Variants in RANBP17 observed in about 807,000 individuals in gnomAD.
The protein encoded by RANBP17 is RAN binding protein 17.
In RANBP17, 158 loss-of-function variants were observed where a neutral mutation model predicts 141.2. The ratio of observed to expected loss-of-function variants is 1.12; its 90% CI spans 0.98 to 1.28. The LOEUF is 1.28. Among genes scored for constraint, RANBP17 ranks in the 50% most tolerant of loss-of-function variants. RANBP17 has a pLI of 0.00. For synonymous variants in RANBP17, 430 were observed against 450.0 expected, an observed-to-expected ratio of 0.96 and a Z score of 0.56; for missense variants, 1,438 against 1,290.7, an observed-to-expected ratio of 1.11 and a Z score of -1.75.
intron 25 of RANBP17, among the ~76,000 whole-genome samples, chr5:171,293,311 A>G (rs1036890684): frequency 6.6e-6 from 1 of 152,232 alleles, no homozygotes; most frequent in African/African-American, 2.4e-5. Context: ...TGAATTTAAG[A>G]GAACGGATGA....
At chr5:171,195,063 A>C (rs1561752192) in intron 18 of RANBP17, among the ~76,000 whole-genome samples, 1 of 152,192 alleles carries the variant, frequency 6.6e-6, no homozygotes, top group Non-Finnish European at 1.5e-5. Context: ...AGGAATTTAT[A>C]ATTTTTATCT....
chr5:171,150,533 A>G (rs1210354155), intron 14 of RANBP17, among the ~76,000 whole-genome samples: 2 of 152,080 alleles, frequency 1.3e-5, no homozygotes, highest in East Asian at 1.9e-4. Context: ...AAAAATATAT[A>G]GTATTTATAA....
At chr5:171,070,599 T>G (rs1342078511) in intron 14 of RANBP17, among the ~76,000 whole-genome samples, 1 of 152,118 alleles carries the variant, frequency 6.6e-6, no homozygotes, top group African/African-American at 2.4e-5. Flanking sequence ...AGATGGTAAT[T>G]GTTTGAAGAT....
At chr5:171,232,014 A>G (rs180730486) in intron 22 of RANBP17, among the ~76,000 whole-genome samples, 1 of 152,340 alleles carries the variant, frequency 6.6e-6, no homozygotes, top group South Asian at 2.1e-4. Context: ...ATCTTTTAAG[A>G]TTACCTAGCT....
chr5:171,054,277 C>T (rs181230484), intron 14 of RANBP17, among the ~76,000 whole-genome samples: 94 of 152,110 alleles, frequency 6.2e-4, no homozygotes, highest in African/African-American at 2.2e-3. Flanking sequence ...AGAATGACTA[C>T]TCCATTGGCA....
At chr5:171,183,058 TA>T in intron 16 of RANBP17, 108 bp from the exon 17 acceptor site, 2 of 620,992 alleles carry the variant, frequency 3.2e-6, no homozygotes, top group Admixed American at 3.1e-5. Flanking sequence ...TTAGAAATTA[TA>T]TTTTTTTATA....
chr5:171,291,077 G>A lies in RANBP17; in HGVS notation c.2944-2806G>A, dbSNP rs1768466107. Among the ~76,000 whole-genome samples, 10 of 152,290 alleles carry A rather than the reference G, an allele frequency of 6.6e-5. 1 individual carries two copies. The South Asian group carries it at 2.1e-3, about 32-fold the overall frequency. ...CCATTCTGATTGGCTCCAAAGCCTG[G>A]CTTTACCATACCACGTTGGTTTCTC... On this transcript the variant is annotated intron_variant, in intron 25 of 27. Transcript: ENST00000523189.
intron 25 of RANBP17, among the ~76,000 whole-genome samples, chr5:171,277,731 TTA>T (rs1303097121): frequency 6.9e-6 from 1 of 144,220 alleles, no homozygotes; most frequent in Non-Finnish European, 1.5e-5. Flanking sequence ...AATATTGTAA[TTA>T]TAGCTCTGAG....
At chr5:171,179,104 A>G (rs1031755240) in intron 16 of RANBP17, among the ~76,000 whole-genome samples, 1 of 152,140 alleles carries the variant, frequency 6.6e-6, no homozygotes, top group African/African-American at 2.4e-5. Flanking sequence ...GCCCATGCCT[A>G]TGTCCTGAAT....
chr5:171,004,306 T>C (rs1779428123), intron 14 of RANBP17, among the ~76,000 whole-genome samples: 2 of 152,050 alleles, frequency 1.3e-5, no homozygotes, highest in South Asian at 4.2e-4. Context: ...GGCAATGAGA[T>C]GTGGCTGCAG....
At chr5:171,237,222 A>G (rs930173715) in intron 22 of RANBP17, among the ~76,000 whole-genome samples, 1 of 152,202 alleles carries the variant, frequency 6.6e-6, no homozygotes, top group Non-Finnish European at 1.5e-5. Flanking sequence ...AGTCCTCTCC[A>G]TGAAGGACAG....
At position 171,242,811 on chromosome 5, in the gene RANBP17, A is replaced by T. The variant is rs768418139; in HGVS notation, c.2767A>T (p.Thr923Ser). ...TCTCACATCTATCTCAGAGGGACTC[A>T]CTACTCTTGGTAAGGATCATAGAGG... ...YVLTSISEGL[T>S]TLDTVVSSSC... The change falls in exon 24 of 28, where the codon ACT becomes TCT. Residue 923 changes from threonine to serine, a missense_variant. By Grantham distance (58) the Thr-to-Ser change is moderately conservative. Coordinates refer to ENST00000523189, the MANE Select transcript of RANBP17 (RefSeq NM_022897.5). 6.2e-7 allele frequency: 1 copy of T among 1,613,618 alleles called. No individual in the cohort carries two copies. The highest frequency in any genetic ancestry group is 8.5e-7 in the Non-Finnish European group (1 of 1,179,734).
intron 14 of RANBP17, among the ~76,000 whole-genome samples, chr5:171,120,555 T>C (rs188520747): frequency 6.6e-6 from 1 of 152,386 alleles, no homozygotes; most frequent in Admixed American, 6.5e-5. Context: ...AGCTGTAGTC[T>C]GTTCTTTTTA....
chr5:171,088,685 C>G (rs1285337420), intron 14 of RANBP17, among the ~76,000 whole-genome samples: 1 of 152,080 alleles, frequency 6.6e-6, no homozygotes, highest in Non-Finnish European at 1.5e-5. Context: ...TTTCTCTAAA[C>G]TTCCCTTCTC....
intron 12 of RANBP17, among the ~76,000 whole-genome samples, chr5:170,943,740 T>C (rs1297592659): frequency 6.6e-6 from 1 of 152,162 alleles, no homozygotes; most frequent in Non-Finnish European, 1.5e-5. Context: ...TGAATGTAAT[T>C]ATGTTACCAA....
chr5:171,287,809 C>T (rs1768265021), intron 25 of RANBP17, among the ~76,000 whole-genome samples: 1 of 152,060 alleles, frequency 6.6e-6, no homozygotes, highest in African/African-American at 2.4e-5. Flanking sequence ...TCACTGCAAC[C>T]TCCACCTCCT....
chr5:170,902,219 C>G (rs1047749983), intron 5 of RANBP17, among the ~76,000 whole-genome samples: 2 of 152,020 alleles, frequency 1.3e-5, no homozygotes, highest in Non-Finnish European at 2.9e-5. Flanking sequence ...TTTGTTGATT[C>G]CTTTTCATTT....
chr5:171,178,130 C>T (rs1448761320), intron 16 of RANBP17, among the ~76,000 whole-genome samples: 1 of 151,272 alleles, frequency 6.6e-6, no homozygotes, highest in Non-Finnish European at 1.5e-5. Flanking sequence ...ATCAATGCAT[C>T]GTCTACATTA....
intron 14 of RANBP17, among the ~76,000 whole-genome samples, chr5:171,126,335 A>C (rs1288399327): frequency 2.0e-5 from 3 of 152,210 alleles, no homozygotes; most frequent in East Asian, 1.9e-4. Context: ...CTGAGAAGGA[A>C]TTTTATAGCA....
Sources: allele counts gnomAD v4.1 joint callset (sites outside exome capture counted in the v4.1 genomes callset), GRCh38; gene constraint gnomAD v4.1.1; transcripts MANE v1.5; gene names NCBI Gene and HGNC (gene_info 2026-07-23, HGNC 2026-07-21).